Variants in SRD5A2 observed in about 807,000 individuals in gnomAD.
SRD5A2 encodes 3-oxo-5-alpha-steroid 4-dehydrogenase 2.
A neutral mutation model predicts 27.4 loss-of-function variants in SRD5A2; 30 were observed. That is an observed-to-expected ratio of 1.10 (90% CI 0.82 to 1.49). The LOEUF (loss-of-function observed/expected upper bound fraction) is 1.49. SRD5A2 is among the 40% of genes most tolerant of loss of function. The pLI is 0.00. For synonymous variants in SRD5A2, 141 were observed against 133.6 expected, an observed-to-expected ratio of 1.06 and a Z score of -0.38; for missense variants, 348 against 323.4, an observed-to-expected ratio of 1.08 and a Z score of -0.58.
chr2:31,539,034 G>C, intron 1 of SRD5A2, among the ~76,000 whole-genome samples: 1 of 152,190 alleles, frequency 6.6e-6, no homozygotes, highest in East Asian at 1.9e-4. Context: ...TTATCTCACT[G>C]TATATGCATC....
chr2:31,591,017 T>C, the SRD5A2 span, among the ~76,000 whole-genome samples: 3 of 152,200 alleles, frequency 2.0e-5, no homozygotes, highest in East Asian at 3.8e-4. Context: ...ATTCAGGACA[T>C]AGGCATGGGC....
At chr2:31,638,057 G>A in the SRD5A2 span, among the ~76,000 whole-genome samples, 1 of 151,878 alleles carries the variant, frequency 6.6e-6, no homozygotes, top group Non-Finnish European at 1.5e-5. Context: ...TTTGATGTAA[G>A]CATTTATTGC....
the SRD5A2 span, among the ~76,000 whole-genome samples, chr2:31,598,487 A>T: frequency 6.6e-6 from 1 of 151,956 alleles, no homozygotes; most frequent in African/African-American, 2.4e-5. Context: ...GACATAGTAC[A>T]ATAAGATAAA....
At chr2:31,582,254 C>T (rs1477552211), upstream of SRD5A2, among the ~76,000 whole-genome samples, 1 of 152,140 alleles carries the variant, frequency 6.6e-6, no homozygotes, top group East Asian at 1.9e-4. Context: ...CAGTGTATCT[C>T]CATCCACTTC....
chr2:31,531,149 G>A (rs991010487), intron 3 of SRD5A2, among the ~76,000 whole-genome samples: 1 of 152,204 alleles, frequency 6.6e-6, no homozygotes, highest in Non-Finnish European at 1.5e-5. Flanking sequence ...TTGCGGTCTC[G>A]CACCTTCCTG....
rs1206027210 is a variant in SRD5A2, at chr2:31,525,662, A to T, written c.*534T>A. 4 of 227,112 alleles carry T rather than the reference A, an allele frequency of 1.8e-5. No homozygotes were observed. The highest frequency in any genetic ancestry group is 4.4e-5 in the African/African-American group (2 of 44,956). The allele number at this position is 227,112 out of a possible 1,614,324, so 14.1% of individuals were successfully genotyped here. ...TTCAAGGTCTACCTAATAATTTCTC[A>T]TCTTTCCTAATTAACCAAGAAAAAG... On this transcript the variant is annotated 3_prime_UTR_variant, in exon 5 of 5. Coordinates refer to ENST00000622030, the MANE Select transcript of SRD5A2 (RefSeq NM_000348.4).
At chr2:31,628,800 T>C in the SRD5A2 span, among the ~76,000 whole-genome samples, 1 of 152,158 alleles carries the variant, frequency 6.6e-6, no homozygotes, top group Non-Finnish European at 1.5e-5. Flanking sequence ...GGTTTCTGCT[T>C]ACAGGTCTAC....
intron 1 of SRD5A2, among the ~76,000 whole-genome samples, chr2:31,538,365 C>T (rs546723012): frequency 6.6e-6 from 1 of 152,214 alleles, no homozygotes; most frequent in East Asian, 1.9e-4. Flanking sequence ...CAATTTCTGT[C>T]ATCTTTATCT....
chr2:31,587,820 C>T, the SRD5A2 span, among the ~76,000 whole-genome samples: 5 of 152,068 alleles, frequency 3.3e-5, no homozygotes, highest in East Asian at 3.9e-4. Flanking sequence ...ACCTAGATGA[C>T]GGGTTGAAGG....
chr2:31,554,452 C>G (rs1666450882), intron 1 of SRD5A2, among the ~76,000 whole-genome samples: 1 of 152,262 alleles, frequency 6.6e-6, no homozygotes, highest in African/African-American at 2.4e-5. Context: ...GAAAGAAGAG[C>G]TCTAGGTATA....
chr2:31,589,695 T>C, the SRD5A2 span, among the ~76,000 whole-genome samples: 1 of 152,166 alleles, frequency 6.6e-6, no homozygotes, highest in African/African-American at 2.4e-5. Flanking sequence ...AGCTCCTAGC[T>C]GATCTTTGTT....
At chr2:31,612,044 A>C in the SRD5A2 span, among the ~76,000 whole-genome samples, 1 of 152,072 alleles carries the variant, frequency 6.6e-6, no homozygotes, top group East Asian at 1.9e-4. Flanking sequence ...TTGGGAGGCC[A>C]AGGCAGGTGG....
chr2:31,587,570 A>T, the SRD5A2 span, among the ~76,000 whole-genome samples: 2 of 150,248 alleles, frequency 1.3e-5, no homozygotes, highest in African/African-American at 2.4e-5. Context: ...ATGCAGCCAT[A>T]AAAAAAATGA....
the SRD5A2 span, among the ~76,000 whole-genome samples, chr2:31,661,643 G>A: frequency 3.3e-5 from 5 of 152,098 alleles, no homozygotes; most frequent in African/African-American, 7.2e-5. Context: ...TGACTCTTAC[G>A]TTATTTAGTT....
At chr2:31,624,924 G>C in the SRD5A2 span, among the ~76,000 whole-genome samples, 1 of 152,124 alleles carries the variant, frequency 6.6e-6, no homozygotes, top group East Asian at 1.9e-4. Context: ...AGATCCTTGA[G>C]GAATCTCCAC....
At chr2:31,564,260 T>C (rs1025085978) in intron 1 of SRD5A2, among the ~76,000 whole-genome samples, 2 of 151,302 alleles carry the variant, frequency 1.3e-5, no homozygotes, top group Admixed American at 1.3e-4. Flanking sequence ...GAAACTACAA[T>C]CCCTGAGATA....
At chr2:31,565,059 A>T (rs1027888945) in intron 1 of SRD5A2, among the ~76,000 whole-genome samples, 1 of 151,928 alleles carries the variant, frequency 6.6e-6, no homozygotes, top group African/African-American at 2.4e-5. Flanking sequence ...CAACAACAAT[A>T]ACATAAGGGC....
the SRD5A2 span, among the ~76,000 whole-genome samples, chr2:31,659,779 T>C: frequency 3.8e-4 from 58 of 152,266 alleles, no homozygotes; most frequent in Non-Finnish European, 6.0e-4. Context: ...GTAGATTCAA[T>C]GCTATTTCTA....
intron 1 of SRD5A2, among the ~76,000 whole-genome samples, chr2:31,540,853 G>A (rs905943868): frequency 5.3e-5 from 8 of 152,172 alleles, no homozygotes; most frequent in African/African-American, 1.7e-4. Context: ...TAAGCAAAAT[G>A]GACCCTGTCC....
Sources: allele counts gnomAD v4.1 joint callset (sites outside exome capture counted in the v4.1 genomes callset), GRCh38; gene constraint gnomAD v4.1.1; transcripts MANE v1.5; gene names NCBI Gene and HGNC (gene_info 2026-07-23, HGNC 2026-07-21).